The following MTMR8 variants were observed in gnomAD, a reference collection of about 807,000 sequenced individuals.
MTMR8 encodes the protein myotubularin related protein 8, also known as phosphatidylinositol-3,5-bisphosphate 3-phosphatase MTMR8.
In MTMR8, 65 loss-of-function variants were observed where a neutral mutation model predicts 39.3. The ratio of observed to expected loss-of-function variants is 1.65; its 90% CI spans 1.35 to 2.03. MTMR8 has a LOEUF of 2.03. Among genes scored for constraint, MTMR8 ranks in the 30% most tolerant of loss-of-function variants. The pLI, the probability that MTMR8 is intolerant of heterozygous loss-of-function variation, is 0.00. For synonymous variants in MTMR8, 245 were observed against 185.2 expected, an observed-to-expected ratio of 1.32 and a Z score of -2.62; for missense variants, 777 against 538.9, an observed-to-expected ratio of 1.44 and a Z score of -4.37.
At chrX:64,274,237 T>A (rs1931825158) in intron 12 of MTMR8, among the ~76,000 whole-genome samples, 1 of 112,207 alleles carries the variant, frequency 8.9e-6, no homozygotes, top group Non-Finnish European at 1.9e-5. Flanking sequence ...TTAAGAAGAT[T>A]AAAATCATAC....
chrX:64,360,902 G>C (rs750137118), intron 1 of MTMR8, among the ~76,000 whole-genome samples: 1 of 111,227 alleles, frequency 9.0e-6, no homozygotes, highest in Non-Finnish European at 1.9e-5. Context: ...CAAAAGAACA[G>C]AGAAATAAGA....
chrX:64,374,602 A>G (rs144435654), intron 1 of MTMR8, among the ~76,000 whole-genome samples: 1,601 of 111,866 alleles, frequency 0.014, 36 homozygotes, highest in African/African-American at 0.048. Context: ...AGAGTGGAAT[A>G]AAAGTAGTTA....
chrX:64,284,574 G>A (rs951385087), intron 12 of MTMR8, among the ~76,000 whole-genome samples: 1 of 111,827 alleles, frequency 8.9e-6, no homozygotes, highest in Non-Finnish European at 1.9e-5. Context: ...CAGCCAGAGA[G>A]AAAGGTCACA....
chrX:64,314,989 C>T (rs753349232), intron 12 of MTMR8, among the ~76,000 whole-genome samples: 2 of 111,534 alleles, frequency 1.8e-5, no homozygotes, highest in East Asian at 5.7e-4. Context: ...ATGGACAAGA[C>T]CACCCTGCAG....
chrX:64,293,589 C>A (rs1569212038), intron 12 of MTMR8, among the ~76,000 whole-genome samples: 2 of 111,336 alleles, frequency 1.8e-5, no homozygotes, highest in Non-Finnish European at 3.8e-5. Flanking sequence ...TGGCAGGGAC[C>A]CACACCCACA....
At chrX:64,291,357 G>A (rs1223748878) in intron 12 of MTMR8, among the ~76,000 whole-genome samples, 1 of 110,805 alleles carries the variant, frequency 9.0e-6, no homozygotes, top group East Asian at 2.8e-4. Context: ...CTGCCCTTCA[G>A]AACCCTCTGA....
Position 64,344,940 on chromosome X carries a change from C to T in MTMR8, c.865+105G>A. The T allele has an allele frequency of 7.9e-6, 7 of 880,942 alleles. No homozygotes were observed. In the South Asian group the frequency reaches 1.7e-4, roughly 22 times the overall value. 72.6% of individuals were successfully genotyped at this position (880,942 alleles called of 1,213,427 possible). On this transcript the variant is annotated intron_variant, in intron 7 of 13. Coordinates refer to ENST00000374852, the MANE Select transcript of MTMR8 (RefSeq NM_017677.4). ...AACACCTAACCACTTATTGACTCTG[C>T]TCACCTGCTTGCTTTTATATTCCAC...
At chrX:64,332,059 A>G (rs1259747471) in intron 10 of MTMR8, among the ~76,000 whole-genome samples, 1 of 112,080 alleles carries the variant, frequency 8.9e-6, no homozygotes, top group Non-Finnish European at 1.9e-5. Context: ...GTTGTCCAAT[A>G]TAGCAGCCAC....
At chrX:64,391,525 C>G (rs1207370462) in intron 1 of MTMR8, among the ~76,000 whole-genome samples, 3 of 111,827 alleles carry the variant, frequency 2.7e-5, no homozygotes, top group Non-Finnish European at 5.6e-5. Context: ...GGACCTTGTG[C>G]TTGGCATCTC....
At chrX:64,292,486 C>T (rs1921435328) in intron 12 of MTMR8, among the ~76,000 whole-genome samples, 2 of 110,595 alleles carry the variant, frequency 1.8e-5, no homozygotes, top group Admixed American at 9.7e-5. Flanking sequence ...CAAACTCCTG[C>T]AGGAGATGAG....
At chrX:64,322,438 T>G (rs1922676828) in intron 12 of MTMR8, among the ~76,000 whole-genome samples, 1 of 112,239 alleles carries the variant, frequency 8.9e-6, no homozygotes, top group South Asian at 3.7e-4. Flanking sequence ...TTGGATGTAT[T>G]GTCTCCCTTC....
intron 12 of MTMR8, among the ~76,000 whole-genome samples, chrX:64,279,907 G>A (rs1931965229): frequency 8.9e-6 from 1 of 111,811 alleles, no homozygotes; most frequent in African/African-American, 3.2e-5. Context: ...CAAACAAATG[G>A]GTGCTGGGAA....
intron 12 of MTMR8, among the ~76,000 whole-genome samples, chrX:64,274,422 A>G (rs1288589717): frequency 1.8e-5 from 2 of 112,232 alleles, no homozygotes; most frequent in Non-Finnish European, 1.9e-5. Context: ...CAAAACCACA[A>G]CATACCAAAA....
intron 3 of MTMR8, among the ~76,000 whole-genome samples, chrX:64,355,625 T>G (rs1476428098): frequency 9.0e-6 from 1 of 110,829 alleles, no homozygotes; most frequent in Non-Finnish European, 1.9e-5. Context: ...AAGAGCATGA[T>G]TAAAATCAAA....
intron 1 of MTMR8, among the ~76,000 whole-genome samples, chrX:64,390,690 C>T (rs747139487): frequency 8.1e-5 from 9 of 111,024 alleles, no homozygotes; most frequent in Non-Finnish European, 1.5e-4. Context: ...GTCACTCTGT[C>T]GCCTAGGCCA....
chrX:64,304,860 T>TTATA (rs751399962), intron 12 of MTMR8, among the ~76,000 whole-genome samples: 803 of 28,459 alleles, frequency 0.028, 46 homozygotes, highest in East Asian at 0.063. Flanking sequence ...GATCAAACAT[T>TTATA]TATATATATA....
intron 12 of MTMR8, among the ~76,000 whole-genome samples, chrX:64,302,189 C>G (rs1363508274): frequency 8.9e-6 from 1 of 112,624 alleles, no homozygotes; most frequent in East Asian, 2.8e-4. Context: ...GCAGTTTGAT[C>G]TCAGACTGCT....
intron 12 of MTMR8, among the ~76,000 whole-genome samples, chrX:64,313,060 T>A (rs1298484261): frequency 3.6e-5 from 4 of 112,387 alleles, no homozygotes; most frequent in Middle Eastern, 9.1e-3. Context: ...ACTGGCTTCA[T>A]CTGAATGTCA....
intron 1 of MTMR8, among the ~76,000 whole-genome samples, chrX:64,377,814 C>T (rs959574829): frequency 1.8e-5 from 2 of 111,956 alleles, no homozygotes; most frequent in African/African-American, 6.5e-5. Flanking sequence ...TATGGTCTGG[C>T]TCTATGTCCC....
Sources: allele counts gnomAD v4.1 joint callset (sites outside exome capture counted in the v4.1 genomes callset), GRCh38; gene constraint gnomAD v4.1.1; transcripts MANE v1.5; gene names NCBI Gene and HGNC (gene_info 2026-07-23, HGNC 2026-07-21).